RARB: variants seen among roughly 807,000 people sequenced by gnomAD.
The protein encoded by RARB is retinoic acid receptor beta.
A neutral mutation model predicts 51.9 loss-of-function variants in RARB; 17 were observed. That is an observed-to-expected ratio of 0.33 (90% CI 0.22 to 0.49). The LOEUF is 0.49. RARB is among the 20% of genes least tolerant of loss of function. The pLI, the probability that RARB is intolerant of heterozygous loss-of-function variation, is 0.99. For missense variants in RARB, 369 were observed against 550.8 expected, an observed-to-expected ratio of 0.67 and a Z score of 3.30; for synonymous variants, 215 against 195.4, an observed-to-expected ratio of 1.10 and a Z score of -0.84.
chr3:25,594,505 A>AT lies in RARB; in HGVS notation c.992-13dup. On this transcript the variant is annotated splice_polypyrimidine_tract_variant and intron_variant, in intron 6 of 7. Transcript: ENST00000330688. The stretch of plus-strand genomic sequence containing the variant: ...AAATCCTGATTTTGTTTAATACTTT[A>AT]TTCCTGGTATCCAGACCGCCAGGAC... 6.3e-7 allele frequency: 1 copy of AT among 1,590,872 alleles called. No individual in the cohort carries two copies. The highest frequency in any genetic ancestry group is 8.5e-7 in the Non-Finnish European group (1 of 1,172,300).
chr3:25,238,312 C>T (rs1478518137), intron 5 of RARB, among the ~76,000 whole-genome samples: 2 of 152,080 alleles, frequency 1.3e-5, no homozygotes, highest in Non-Finnish European at 2.9e-5. Flanking sequence ...ATTCCATCCA[C>T]GTTGTTAAAA....
intron 5 of RARB, among the ~76,000 whole-genome samples, chr3:25,384,979 G>A (rs981757948): frequency 3.3e-5 from 5 of 152,150 alleles, no homozygotes; most frequent in Non-Finnish European, 5.9e-5. Context: ...CCTACAGTCT[G>A]TTTTGTCATA....
At chr3:25,154,737 A>G (rs1008467377) in intron 4 of RARB, among the ~76,000 whole-genome samples, 4 of 152,156 alleles carry the variant, frequency 2.6e-5, no homozygotes, top group African/African-American at 7.2e-5. Context: ...TACATTTTCT[A>G]TATTTTGTGC....
intron 3 of RARB, among the ~76,000 whole-genome samples, chr3:25,087,957 A>G (rs150784513): frequency 1.3e-5 from 2 of 152,092 alleles, no homozygotes; most frequent in South Asian, 2.1e-4. Flanking sequence ...AACAAAGGAA[A>G]TTAAATTCTC....
At chr3:25,416,015 A>G in intron 5 of RARB, among the ~76,000 whole-genome samples, 1 of 152,216 alleles carries the variant, frequency 6.6e-6, no homozygotes, top group East Asian at 1.9e-4. Flanking sequence ...CTAGAGTCCT[A>G]TTTTAATTAG....
intron 5 of RARB, among the ~76,000 whole-genome samples, chr3:25,326,940 T>C (rs192769158): frequency 1.9e-4 from 29 of 152,264 alleles, no homozygotes; most frequent in African/African-American, 5.5e-4. Context: ...CTGCACCCAT[T>C]AACTCGTCAT....
intron 5 of RARB, among the ~76,000 whole-genome samples, chr3:25,332,914 C>A (rs1356669243): frequency 6.6e-6 from 1 of 152,102 alleles, no homozygotes; most frequent in South Asian, 2.1e-4. Context: ...CATGAGTGAA[C>A]CTTCATTCAC....
In RARB at chr3:25,240,131, C is replaced by T. The variant is rs61283832; in HGVS notation, c.178+65556C>T. Reference sequence around the variant, plus strand: ...GGGATTGCATTCTTGATTTCATTCTCGGTTAGTTCATCATTGGTGTATAGA... The same window carrying T: ...GGGATTGCATTCTTGATTTCATTCTTGGTTAGTTCATCATTGGTGTATAGA... On this transcript the variant is annotated intron_variant, in intron 5 of 11. Transcript: ENST00000383772. 7.3e-3 allele frequency among the ~76,000 whole-genome samples: 1,101 copies of T among 150,844 alleles called. 12 individuals are homozygous for T. Among genetic ancestry groups the T allele is most frequent in the African/African-American group, 0.025 (1,046 of 41,066 alleles).
At chr3:24,962,340 T>C (rs1696159457) in intron 2 of RARB, among the ~76,000 whole-genome samples, 1 of 152,160 alleles carries the variant, frequency 6.6e-6, no homozygotes. Flanking sequence ...GTCCCATGCC[T>C]TGTAGGATAT....
intron 5 of RARB, among the ~76,000 whole-genome samples, chr3:25,265,769 T>G (rs2082932): frequency 0.82 from 124,845 of 152,148 alleles, 51,274 homozygotes; most frequent in East Asian, 0.86. Flanking sequence ...ACCATGGCTG[T>G]CCAACAAATT....
chr3:25,266,515 G>C (rs1703129894), intron 5 of RARB, among the ~76,000 whole-genome samples: 1 of 151,980 alleles, frequency 6.6e-6, no homozygotes, highest in Admixed American at 6.6e-5. Context: ...TATGGTCTCT[G>C]TACAGAAGTT....
intron 5 of RARB, among the ~76,000 whole-genome samples, chr3:25,385,133 C>A (rs1040679894): frequency 6.6e-6 from 1 of 152,184 alleles, no homozygotes; most frequent in African/African-American, 2.4e-5. Flanking sequence ...GTTTGCAATG[C>A]ACTCCATATA....
At chr3:25,461,571 A>G (rs1254185569) in intron 2 of RARB, among the ~76,000 whole-genome samples, 1 of 152,024 alleles carries the variant, frequency 6.6e-6, no homozygotes, top group Non-Finnish European at 1.5e-5. Flanking sequence ...CCCTTAAATT[A>G]CCCCCACATA....
chr3:25,453,474 C>A (rs962554343), intron 1 of RARB, among the ~76,000 whole-genome samples: 1 of 151,682 alleles, frequency 6.6e-6, no homozygotes, highest in Non-Finnish European at 1.5e-5. Context: ...CTTGAACTCC[C>A]GACCTCAGGT....
At chr3:25,497,815 C>T (rs1252656849) in intron 2 of RARB, among the ~76,000 whole-genome samples, 2 of 152,232 alleles carry the variant, frequency 1.3e-5, no homozygotes, top group African/African-American at 2.4e-5. Context: ...TGTGTCTAAC[C>T]ATCCCTTGGC....
chr3:25,067,209 A>G (rs1698680453), intron 3 of RARB, among the ~76,000 whole-genome samples: 1 of 152,208 alleles, frequency 6.6e-6, no homozygotes, highest in Admixed American at 6.5e-5. Context: ...ATTAAAGGCA[A>G]TTGAAACCAG....
At chr3:24,969,809 G>A (rs1050780143) in intron 2 of RARB, among the ~76,000 whole-genome samples, 1 of 152,048 alleles carries the variant, frequency 6.6e-6, no homozygotes, top group Non-Finnish European at 1.5e-5. Flanking sequence ...AGAGAGTGGT[G>A]TGTCCATTTA....
chr3:25,175,704 T>G (rs373851368), intron 5 of RARB, among the ~76,000 whole-genome samples: 1 of 152,176 alleles, frequency 6.6e-6, no homozygotes, highest in Non-Finnish European at 1.5e-5. Context: ...TTGATTGCAA[T>G]CATAGTACTA....
chr3:25,217,183 T>C (rs1012132787), intron 5 of RARB, among the ~76,000 whole-genome samples: 8 of 152,234 alleles, frequency 5.3e-5, no homozygotes, highest in Non-Finnish European at 7.3e-5. Flanking sequence ...TCCTCTCATC[T>C]ACAATTTGGT....
Sources: allele counts gnomAD v4.1 joint callset (sites outside exome capture counted in the v4.1 genomes callset), GRCh38; gene constraint gnomAD v4.1.1; transcripts MANE v1.5; gene names NCBI Gene and HGNC (gene_info 2026-07-23, HGNC 2026-07-21).